The following UTRN variants were observed in gnomAD, a reference collection of about 807,000 sequenced individuals.
UTRN encodes dystrophin-related protein 1.
Under a neutral mutation model 463.9 loss-of-function variants are expected in UTRN, and 283 were observed. The observed-to-expected ratio is 0.61, with a 90% CI of 0.55 to 0.67. The LOEUF is 0.67. Among genes scored for constraint, UTRN ranks in the 30% least tolerant of loss-of-function variants. The pLI is 0.00. For synonymous variants in UTRN, 1,442 were observed against 1,431.5 expected (o/e 1.01, Z -0.17); for missense variants, 3,922 against 4,084.3 (o/e 0.96, Z 1.08).
At chr6:144,583,020 G>A (rs1356532702) in intron 51 of UTRN, among the ~76,000 whole-genome samples, 1 of 152,176 alleles carries the variant, frequency 6.6e-6, no homozygotes, top group East Asian at 1.9e-4. Context: ...CTTTAGAGAC[G>A]GTGAATGCTC....
chr6:144,287,674 T>A (rs1803828703), intron 1 of UTRN, among the ~76,000 whole-genome samples: 1 of 152,218 alleles, frequency 6.6e-6, no homozygotes, highest in Admixed American at 6.5e-5. Context: ...TGTCACCTTA[T>A]GTTTATTTTT....
At chr6:144,548,127 T>C (rs1798570915) in intron 46 of UTRN, among the ~76,000 whole-genome samples, 1 of 152,160 alleles carries the variant, frequency 6.6e-6, no homozygotes, top group Non-Finnish European at 1.5e-5. Context: ...ATACTCTACA[T>C]GAAAAGATAT....
intron 51 of UTRN, among the ~76,000 whole-genome samples, chr6:144,649,383 G>C (rs1778583418): frequency 2.0e-5 from 3 of 152,184 alleles, no homozygotes; most frequent in South Asian, 2.1e-4. Context: ...GCCGCTGGTT[G>C]TATGTGACTA....
At chr6:144,472,072 G>A (rs1463240851) in intron 23 of UTRN, among the ~76,000 whole-genome samples, 1 of 152,174 alleles carries the variant, frequency 6.6e-6, no homozygotes, top group African/African-American at 2.4e-5. Flanking sequence ...TCATAATCTT[G>A]TGAGAAATTA....
chr6:144,685,572 T>G (rs1782666516), intron 52 of UTRN, among the ~76,000 whole-genome samples: 1 of 152,156 alleles, frequency 6.6e-6, no homozygotes, highest in Non-Finnish European at 1.5e-5. Context: ...CAGGGTAAGG[T>G]GGTATCTCAT....
chr6:144,561,294 A>G (rs955795348), intron 50 of UTRN, among the ~76,000 whole-genome samples: 5 of 144,914 alleles, frequency 3.5e-5, no homozygotes, highest in Non-Finnish European at 7.6e-5. Context: ...CACCTGTGTA[A>G]CACACATGTA....
chr6:144,700,349 T>C (rs935072246), intron 53 of UTRN, 106 bp downstream of exon 53: 70 of 1,256,326 alleles, frequency 5.6e-5, no homozygotes, highest in Non-Finnish European at 6.8e-5. Flanking sequence ...TATCACAGGA[T>C]TCCCCCCCCC....
At chr6:144,828,691 G>T (rs911744702) in intron 68 of UTRN, 99 bp from the exon 69 acceptor site, 345 of 1,107,950 alleles carry the variant, frequency 3.1e-4, no homozygotes, top group East Asian at 5.9e-4. Flanking sequence ...TCTATGTTTT[G>T]TCAGAATTTT....
intron 50 of UTRN, among the ~76,000 whole-genome samples, chr6:144,560,672 T>G (rs190261803): frequency 6.7e-4 from 102 of 152,242 alleles, no homozygotes; most frequent in African/African-American, 2.4e-3. Flanking sequence ...CCTAAATAAT[T>G]TAGCTATTCA....
chr6:144,848,272 G>A (rs924185333), intron 74 of UTRN, among the ~76,000 whole-genome samples: 2 of 152,198 alleles, frequency 1.3e-5, no homozygotes, highest in Non-Finnish European at 2.9e-5. Context: ...TGCCACTCAT[G>A]AATTTAACAT....
chr6:144,300,232 G>A (rs1349735288), intron 2 of UTRN, among the ~76,000 whole-genome samples: 1 of 152,076 alleles, frequency 6.6e-6, no homozygotes, highest in African/African-American at 2.4e-5. Context: ...TGGGACTACA[G>A]GTGTGTGCCA....
chr6:144,772,699 A>G (rs1794210824), intron 59 of UTRN, among the ~76,000 whole-genome samples: 1 of 152,222 alleles, frequency 6.6e-6, no homozygotes, highest in Non-Finnish European at 1.5e-5. Flanking sequence ...CCTAGTTTAA[A>G]TTTGTCTAAA....
At chr6:144,790,272 G>T (rs994514110) in intron 62 of UTRN, among the ~76,000 whole-genome samples, 1 of 152,162 alleles carries the variant, frequency 6.6e-6, no homozygotes, top group Non-Finnish European at 1.5e-5. Flanking sequence ...ATTCCCAGAT[G>T]ATTCTTTACA....
chr6:144,511,422 C>T (rs894415548), intron 35 of UTRN, among the ~76,000 whole-genome samples: 1 of 152,084 alleles, frequency 6.6e-6, no homozygotes, highest in Non-Finnish European at 1.5e-5. Flanking sequence ...GATTTTCGTA[C>T]TATCAGAAGC....
At chr6:144,475,380 G>T (rs12202537) in intron 25 of UTRN, among the ~76,000 whole-genome samples, 30,631 of 152,158 alleles carry the variant, frequency 0.2, 3,354 homozygotes, top group South Asian at 0.32. Flanking sequence ...AATGAACTTG[G>T]TCTGTTTAAT....
Position 144,482,292 on chromosome 6 carries a change from C to G in UTRN, c.3591C>G (p.Pro1197=). The part of the protein sequence containing the change: ...DNIKLLAAKV[P]SGGQELTSEL... The stretch of plus-strand genomic sequence containing the variant: ...TCAAGTTATTAGCTGCCAAGGTGCC[C>G]TCTGGTGGCCAGGAGTTGACGTCTG... The change falls in exon 27 of 75, where the codon CCC becomes CCG. Residue 1197 remains proline, a synonymous_variant. Coordinates refer to ENST00000367545, the MANE Select transcript of UTRN (RefSeq NM_007124.3). 1 of 1,609,596 alleles carries G rather than the reference C, an allele frequency of 6.2e-7. No individual in the cohort carries two copies. Among genetic ancestry groups the G allele is most frequent in the South Asian group, 1.1e-5 (1 of 89,912 alleles).
intron 69 of UTRN, among the ~76,000 whole-genome samples, chr6:144,830,731 T>A (rs1002739899): frequency 6.6e-6 from 1 of 150,468 alleles, no homozygotes. Flanking sequence ...TGTTTTTTGT[T>A]TTTTTTTTGC....
intron 2 of UTRN, among the ~76,000 whole-genome samples, chr6:144,402,240 A>T (rs952496817): frequency 6.6e-6 from 1 of 152,182 alleles, no homozygotes; most frequent in Non-Finnish European, 1.5e-5. Flanking sequence ...TAACCTTTAC[A>T]ATACTCTTGC....
intron 2 of UTRN, among the ~76,000 whole-genome samples, chr6:144,362,667 C>T (rs1221471064): frequency 6.6e-6 from 1 of 152,158 alleles, no homozygotes; most frequent in Non-Finnish European, 1.5e-5. Flanking sequence ...TTACACTTTG[C>T]CAAGACATGG....
Sources: allele counts gnomAD v4.1 joint callset (sites outside exome capture counted in the v4.1 genomes callset), GRCh38; gene constraint gnomAD v4.1.1; transcripts MANE v1.5; gene names NCBI Gene and HGNC (gene_info 2026-07-23, HGNC 2026-07-21).